Variants in SMAP1 observed in about 807,000 individuals in gnomAD.
The protein encoded by SMAP1 is stromal membrane-associated protein 1.
A neutral mutation model predicts 58.5 loss-of-function variants in SMAP1; 24 were observed. The ratio of observed to expected loss-of-function variants is 0.41; its 90% CI spans 0.30 to 0.58. The LOEUF (loss-of-function observed/expected upper bound fraction) is 0.58. SMAP1 is among the 20% of genes least tolerant of loss of function. SMAP1 has a pLI of 0.29. For missense variants in SMAP1, 563 were observed against 566.3 expected (o/e 0.99, Z 0.06); for synonymous variants, 216 against 196.6 (o/e 1.10, Z -0.82).
chr6:70,763,927 G>T (rs186011518), intron 3 of SMAP1, among the ~76,000 whole-genome samples: 1 of 152,106 alleles, frequency 6.6e-6, no homozygotes, highest in East Asian at 1.9e-4. Flanking sequence ...TGTTTTGTCT[G>T]TTGTTTTGAC....
intron 1 of SMAP1, among the ~76,000 whole-genome samples, chr6:70,729,770 A>G (rs1449304265): frequency 1.3e-5 from 2 of 152,040 alleles, no homozygotes; most frequent in Non-Finnish European, 2.9e-5. Flanking sequence ...TGCCACATTT[A>G]TCAGTCCCTT....
At chr6:70,749,785 T>C (rs1047639809) in intron 2 of SMAP1, among the ~76,000 whole-genome samples, 1 of 152,140 alleles carries the variant, frequency 6.6e-6, no homozygotes, top group Non-Finnish European at 1.5e-5. Flanking sequence ...AAGAAGATAC[T>C]GAGAAAAAGG....
chr6:70,771,165 G>T (rs529874886), intron 3 of SMAP1, among the ~76,000 whole-genome samples: 6 of 152,312 alleles, frequency 3.9e-5, no homozygotes, highest in African/African-American at 1.4e-4. Flanking sequence ...CCCTACTGGG[G>T]GGTGCCTCCC....
chr6:70,712,410 T>C (rs1015420033), intron 1 of SMAP1, among the ~76,000 whole-genome samples: 3 of 152,248 alleles, frequency 2.0e-5, no homozygotes, highest in African/African-American at 4.8e-5. Flanking sequence ...TTGTGGCATC[T>C]TTGTCCAGCT....
At chr6:70,752,293 G>T (rs896150898) in intron 2 of SMAP1, among the ~76,000 whole-genome samples, 1 of 152,174 alleles carries the variant, frequency 6.6e-6, no homozygotes, top group Non-Finnish European at 1.5e-5. Flanking sequence ...AGCCCTGCAG[G>T]ACATAGTCCC....
At chr6:70,671,231 A>G (rs1054183717) in intron 1 of SMAP1, among the ~76,000 whole-genome samples, 1 of 151,508 alleles carries the variant, frequency 6.6e-6, no homozygotes, top group Non-Finnish European at 1.5e-5. Context: ...TGAATAGGGC[A>G]TCTTGTGTTG....
chr6:70,750,992 C>A (rs959617779), intron 2 of SMAP1, among the ~76,000 whole-genome samples: 3 of 152,186 alleles, frequency 2.0e-5, no homozygotes, highest in Non-Finnish European at 4.4e-5. Flanking sequence ...GTAATCCCAG[C>A]ACTTTGGGAG....
At chr6:70,831,772 G>T (rs571513253) in intron 6 of SMAP1, among the ~76,000 whole-genome samples, 1 of 152,110 alleles carries the variant, frequency 6.6e-6, no homozygotes, top group East Asian at 1.9e-4. Flanking sequence ...TATTCTCTTG[G>T]GCATATACCC....
chr6:70,726,693 A>G (rs1364791530), intron 1 of SMAP1, among the ~76,000 whole-genome samples: 2 of 152,182 alleles, frequency 1.3e-5, no homozygotes, highest in African/African-American at 4.8e-5. Context: ...AGGCAAGTGT[A>G]TTGAGATCTC....
intron 1 of SMAP1, among the ~76,000 whole-genome samples, chr6:70,714,260 G>A (rs1046151230): frequency 2.6e-5 from 4 of 151,924 alleles, no homozygotes; most frequent in Non-Finnish European, 5.9e-5. Flanking sequence ...AAGATTTACC[G>A]TTGCTGTTTT....
chr6:70,680,712 G>GTTTTTTTTTTTTTTTTTTTTTTTTTT (rs34867967), intron 1 of SMAP1, among the ~76,000 whole-genome samples: 1 of 78,980 alleles, frequency 1.3e-5, no homozygotes, highest in Non-Finnish European at 2.2e-5. Context: ...TGGATTTCCT[G>GTTTTTTTTTTTTTTTTTTTTTTTTTT]TTTTTTTTTT....
At chr6:70,729,136 C>T (rs947325065) in intron 1 of SMAP1, among the ~76,000 whole-genome samples, 5 of 151,954 alleles carry the variant, frequency 3.3e-5, no homozygotes, top group Non-Finnish European at 5.9e-5. Flanking sequence ...TACTGCAACT[C>T]TCATCTTAAA....
At chr6:70,815,475 A>G (rs1769578654) in intron 6 of SMAP1, among the ~76,000 whole-genome samples, 2 of 152,206 alleles carry the variant, frequency 1.3e-5, no homozygotes, top group Admixed American at 6.5e-5. Context: ...TGTGAGAAGC[A>G]TAATTATGCA....
At chr6:70,801,692 T>G (rs901746788) in intron 6 of SMAP1, among the ~76,000 whole-genome samples, 1 of 152,218 alleles carries the variant, frequency 6.6e-6, no homozygotes, top group Non-Finnish European at 1.5e-5. Flanking sequence ...AATTTGCATA[T>G]GAAGTGTAAG....
rs961655548 is a variant in SMAP1 at position 70,803,958 on chromosome 6, A to G, written c.576+5221A>G. On this transcript the variant is annotated intron_variant, in intron 6 of 10. Transcript: ENST00000370455. ...GTGTGATGTGCTGAGAAGAATGTAT[A>G]TTCTGTTGATTTGGGGTGGAGAGTT... 3.3e-5 allele frequency among the ~76,000 whole-genome samples: 5 copies of G among 152,200 alleles called. 1 individual carries two copies. Among genetic ancestry groups the G allele is most frequent in the South Asian group, 4.1e-4 (2 of 4,830 alleles).
intron 1 of SMAP1, 70 bp downstream of exon 1, chr6:70,668,211 G>A: frequency 7.2e-7 from 1 of 1,392,446 alleles, no homozygotes; most frequent in Non-Finnish European, 1.0e-6. Flanking sequence ...CCGCTGCGGC[G>A]CTCGGGGCCC....
intron 6 of SMAP1, among the ~76,000 whole-genome samples, chr6:70,825,398 A>G (rs560780407): frequency 1.3e-5 from 2 of 152,300 alleles, no homozygotes; most frequent in Admixed American, 1.3e-4. Context: ...TAGTTTTGCT[A>G]ATAAGTGGTA....
intron 1 of SMAP1, among the ~76,000 whole-genome samples, chr6:70,729,006 T>C (rs1398804685): frequency 1.3e-5 from 2 of 152,204 alleles, no homozygotes; most frequent in African/African-American, 4.8e-5. Flanking sequence ...TGAACATCTT[T>C]TTTTTTTCCC....
intron 2 of SMAP1, among the ~76,000 whole-genome samples, chr6:70,745,492 G>A (rs1317241297): frequency 6.6e-6 from 1 of 152,108 alleles, no homozygotes; most frequent in East Asian, 1.9e-4. Flanking sequence ...GTAGATGTGT[G>A]GTGTTATTTC....
Sources: gnomAD v4.1 joint callset for allele counts (sites outside exome capture counted in the v4.1 genomes callset) on GRCh38, gnomAD v4.1.1 for gene constraint, MANE v1.5 for transcripts, NCBI Gene and HGNC (gene_info 2026-07-23, HGNC 2026-07-21) for gene names.